Variants in NPAS2 observed in about 807,000 individuals in gnomAD.
NPAS2 encodes the protein neuronal PAS domain protein 2, also known as neuronal PAS domain-containing protein 2.
Under a neutral mutation model 107.5 loss-of-function variants are expected in NPAS2, and 23 were observed. The ratio of observed to expected loss-of-function variants is 0.21; its 90% CI spans 0.15 to 0.30. The LOEUF (loss-of-function observed/expected upper bound fraction) is 0.30. NPAS2 is among the 10% of genes least tolerant of loss of function. The pLI is 1.00. For missense variants in NPAS2, 756 were observed against 1,043.3 expected, an observed-to-expected ratio of 0.72 and a Z score of 3.79; for synonymous variants, 403 against 417.5, an observed-to-expected ratio of 0.97 and a Z score of 0.42.
chr2:100,968,971 G>A lies in NPAS2; in HGVS notation c.1055+543G>A, dbSNP rs924220966. Among the ~76,000 whole-genome samples the A allele has an allele frequency of 2.0e-5, 3 of 152,172 alleles. No individual in the cohort carries two copies. The highest frequency in any genetic ancestry group is 2.9e-5 in the Non-Finnish European group (2 of 68,018). ...CCTCAGGGAGCCCTCCACCCAGGGC[G>A]GGTGAGCAGGACTTTAAAGAGACGC... On this transcript the variant is annotated intron_variant, in intron 11 of 20. Coordinates refer to ENST00000335681, the MANE Select transcript of NPAS2 (RefSeq NM_002518.4). This position sits in a 1 kb window ranked among gnomAD's most constrained non-coding sequence, Gnocchi z 5.3.
At chr2:100,858,360 T>C (rs1423941913) in intron 1 of NPAS2, among the ~76,000 whole-genome samples, 2 of 152,236 alleles carry the variant, frequency 1.3e-5, no homozygotes, top group African/African-American at 4.8e-5. Flanking sequence ...TCTCCCTTTG[T>C]CATCTGCTTT....
In NPAS2 at chr2:100,869,931, G is replaced by T. The variant is rs540810527; in HGVS notation, c.-22-34802G>T. ...TTTTTTTTTTTTTTTTTGAGATGGAGTCTCGCTCTGTCGCCCAGGCTGGAG... is the reference window on the plus strand; with the variant it reads ...TTTTTTTTTTTTTTTTTGAGATGGATTCTCGCTCTGTCGCCCAGGCTGGAG... On this transcript the variant is annotated intron_variant, in intron 1 of 20. Transcript: ENST00000335681. Among the ~76,000 whole-genome samples the T allele has an allele frequency of 2.3e-3, 304 of 130,260 alleles. 1 individual carries two copies. Among genetic ancestry groups the T allele is most frequent in the African/African-American group, 8.5e-3 (292 of 34,176 alleles). The allele number at this position is 130,260 out of a possible 152,430, so 85.5% of individuals were successfully genotyped here.
At chr2:100,971,413 G>A (rs760991434) in intron 12 of NPAS2, among the ~76,000 whole-genome samples, 14 of 151,890 alleles carry the variant, frequency 9.2e-5, no homozygotes, top group Middle Eastern at 3.4e-3. Flanking sequence ...GAGTCCACTC[G>A]GCATCTCCTC....
chr2:100,910,515 G>A (rs369263509), intron 2 of NPAS2, among the ~76,000 whole-genome samples: 18 of 142,202 alleles, frequency 1.3e-4, no homozygotes, highest in African/African-American at 4.3e-4. Flanking sequence ...ACAGCCAGAT[G>A]ACATCTTCTT....
chr2:100,892,392 G>A (rs1290402199), intron 1 of NPAS2, among the ~76,000 whole-genome samples: 1 of 152,190 alleles, frequency 6.6e-6, no homozygotes, highest in Non-Finnish European at 1.5e-5. Context: ...AGGAACCATG[G>A]TTGTAACAGG....
At chr2:100,977,601 G>A (rs1446396650) in intron 14 of NPAS2, 109 bp from the exon 15 acceptor site, 3 of 867,690 alleles carry the variant, frequency 3.5e-6, no homozygotes, top group Non-Finnish European at 5.8e-6. Context: ...TTGACTTGGA[G>A]CTGTTCACCC....
intron 1 of NPAS2, among the ~76,000 whole-genome samples, chr2:100,855,986 G>A (rs1037818206): frequency 3.9e-5 from 6 of 152,046 alleles, no homozygotes; most frequent in Admixed American, 1.3e-4. Context: ...ATAACCCCTC[G>A]AAATAACCCC....
chr2:100,913,032 T>C (rs1682650763), intron 2 of NPAS2, among the ~76,000 whole-genome samples: 2 of 152,170 alleles, frequency 1.3e-5, no homozygotes. Flanking sequence ...TTCTGAAGTC[T>C]GTCTAGTGCT....
chr2:100,836,154 C>A (rs17024862), intron 1 of NPAS2, among the ~76,000 whole-genome samples: 8,994 of 152,252 alleles, frequency 0.059, 907 homozygotes, highest in African/African-American at 0.2. Flanking sequence ...TGTCTACCTT[C>A]CTGCTGCTAC....
At chr2:100,895,782 G>C (rs1258323500) in intron 1 of NPAS2, among the ~76,000 whole-genome samples, 3 of 152,080 alleles carry the variant, frequency 2.0e-5, no homozygotes, top group African/African-American at 7.2e-5. Flanking sequence ...GCAGACTCAG[G>C]CTTCAGCTGG....
chr2:100,874,301 C>T (rs900551645), intron 1 of NPAS2, among the ~76,000 whole-genome samples: 16 of 152,114 alleles, frequency 1.1e-4, no homozygotes, highest in African/African-American at 3.9e-4. Flanking sequence ...TAATGGAGTA[C>T]AACCCACATG....
intron 1 of NPAS2, among the ~76,000 whole-genome samples, chr2:100,843,565 G>T (rs1030987543): frequency 6.6e-6 from 1 of 152,104 alleles, no homozygotes; most frequent in Non-Finnish European, 1.5e-5. Flanking sequence ...GAGATAGTTT[G>T]TCCTATATAC....
chr2:100,894,006 G>C (rs561310916), intron 1 of NPAS2, among the ~76,000 whole-genome samples: 1 of 152,212 alleles, frequency 6.6e-6, no homozygotes. Flanking sequence ...ACTGTCACTT[G>C]TATGACTCAT....
intron 1 of NPAS2, among the ~76,000 whole-genome samples, chr2:100,852,870 T>TA (rs1385769334): frequency 1.3e-5 from 2 of 151,936 alleles, no homozygotes; most frequent in African/African-American, 2.4e-5. Context: ...GTGCTTTCTT[T>TA]AAAAAAATAA....
At chr2:100,950,598 A>T in intron 7 of NPAS2, among the ~76,000 whole-genome samples, 1 of 152,206 alleles carries the variant, frequency 6.6e-6, no homozygotes, top group Non-Finnish European at 1.5e-5. Context: ...TTATTTGCAT[A>T]AATATACATG....
At chr2:100,910,828 T>C (rs1682499391) in intron 2 of NPAS2, among the ~76,000 whole-genome samples, 1 of 152,158 alleles carries the variant, frequency 6.6e-6, no homozygotes, top group African/African-American at 2.4e-5. Context: ...ATGCCCAGCC[T>C]AATGTCTTCT....
Position 100,925,217 on chromosome 2 carries a change from T to C in NPAS2, c.104T>C (p.Met35Thr). Residue 35 changes from methionine to threonine, a missense_variant, in exon 3 of 21, where the codon ATG becomes ACG. Coordinates refer to ENST00000335681, the MANE Select transcript of NPAS2 (RefSeq NM_002518.4). The stretch of plus-strand genomic sequence containing the variant: ...GTTCTCATCAAAGAGCTCAGTTCCA[T>C]GCTCCCTGGCAACACGCGGAAAATG... Reference protein sequence around the residue: ...FNVLIKELSSMLPGNTRKMDK... With the variant: ...FNVLIKELSSTLPGNTRKMDK... 2.5e-6 allele frequency: 4 copies of C among 1,614,176 alleles called. No individual in the cohort carries two copies. The highest frequency in any genetic ancestry group is 3.4e-6 in the Non-Finnish European group (4 of 1,180,024).
chr2:100,920,264 C>T (rs1279586982), intron 2 of NPAS2, among the ~76,000 whole-genome samples: 1 of 152,066 alleles, frequency 6.6e-6, no homozygotes, highest in Non-Finnish European at 1.5e-5. Context: ...TAATAACGTA[C>T]AGTGTTGTAT....
chr2:100,846,677 G>C lies in NPAS2; in HGVS notation c.-23+26263G>C, dbSNP rs78584639. Among the ~76,000 whole-genome samples, 266 of 152,310 alleles carry C rather than the reference G, an allele frequency of 1.7e-3. 1 individual carries two copies. Among genetic ancestry groups the C allele is most frequent in the African/African-American group, 6.1e-3 (255 of 41,566 alleles). ...ATGTTTAGCTGCACACAATAAAAAT[G>C]TCATATTAGTTGGTCCTTCAACTAA... On this transcript the variant is annotated intron_variant, in intron 1 of 20. Coordinates refer to ENST00000335681, the MANE Select transcript of NPAS2 (RefSeq NM_002518.4).
Sources: gnomAD v4.1 joint callset for allele counts (sites outside exome capture counted in the v4.1 genomes callset) on GRCh38, gnomAD v4.1.1 for gene constraint, Gnocchi (gnomAD v3.1) non-coding constraint, MANE v1.5 for transcripts, NCBI Gene and HGNC (gene_info 2026-07-23, HGNC 2026-07-21) for gene names.